Variants in RALGPS1 observed in about 807,000 individuals in gnomAD.
RALGPS1 encodes the protein ras-specific guanine nucleotide-releasing factor RalGPS1.
RALGPS1 carries 19 observed loss-of-function variants against 78.8 expected under a neutral mutation model. That is an observed-to-expected ratio of 0.24 (90% CI 0.17 to 0.35). RALGPS1 has a LOEUF of 0.35. Among genes scored for constraint, RALGPS1 ranks in the 10% least tolerant of loss-of-function variants. RALGPS1 has a pLI of 1.00. For synonymous variants in RALGPS1, 228 were observed against 256.3 expected (o/e 0.89, Z 1.06); for missense variants, 454 against 688.3 (o/e 0.66, Z 3.81).
chr9:126,922,755 T>C (rs10819253), intron 1 of RALGPS1, among the ~76,000 whole-genome samples: 26,396 of 152,160 alleles, frequency 0.17, 3,017 homozygotes, highest in East Asian at 0.44. Context: ...CTCTAGACTT[T>C]ACAGAGTGAG....
intron 14 of RALGPS1, among the ~76,000 whole-genome samples, chr9:127,201,378 C>T (rs1020861423): frequency 3.9e-5 from 6 of 152,210 alleles, no homozygotes; most frequent in African/African-American, 1.4e-4. Flanking sequence ...TTGGAGGATG[C>T]CAGTGGGCCT....
chr9:126,965,071 C>T (rs1204609262), intron 2 of RALGPS1, among the ~76,000 whole-genome samples: 1 of 152,210 alleles, frequency 6.6e-6, no homozygotes, highest in Non-Finnish European at 1.5e-5. Context: ...GGGATCCCCA[C>T]AGTGTTGAGA....
intron 1 of RALGPS1, among the ~76,000 whole-genome samples, chr9:126,922,463 C>T (rs1245190117): frequency 6.6e-6 from 1 of 152,128 alleles, no homozygotes; most frequent in Non-Finnish European, 1.5e-5. Context: ...GTGCTTTTGG[C>T]ATATTTCTGA....
chr9:126,987,013 A>G (rs532542682), intron 4 of RALGPS1, among the ~76,000 whole-genome samples: 37 of 152,306 alleles, frequency 2.4e-4, no homozygotes, highest in African/African-American at 7.9e-4. Context: ...CATTTCACCA[A>G]TGTATAGTTT....
intron 3 of RALGPS1, among the ~76,000 whole-genome samples, chr9:126,974,521 A>G (rs1233975578): frequency 4.0e-5 from 6 of 150,128 alleles, no homozygotes; most frequent in Non-Finnish European, 3.0e-5. Context: ...TACATTTAAC[A>G]TATGCAAAAA....
At chr9:127,128,643 C>T (rs1314082230) in intron 8 of RALGPS1, among the ~76,000 whole-genome samples, 1 of 152,200 alleles carries the variant, frequency 6.6e-6, no homozygotes, top group Non-Finnish European at 1.5e-5. Flanking sequence ...AATAAAACAG[C>T]TGCCACTAGA....
At chr9:127,187,488 C>G (rs1432609985) in intron 11 of RALGPS1, among the ~76,000 whole-genome samples, 1 of 152,242 alleles carries the variant, frequency 6.6e-6, no homozygotes, top group African/African-American at 2.4e-5. Context: ...AGAGTTTCCA[C>G]CTCAAGTCTT....
chr9:127,061,905 C>T (rs2049245581), intron 7 of RALGPS1, among the ~76,000 whole-genome samples: 1 of 152,154 alleles, frequency 6.6e-6, no homozygotes, highest in African/African-American at 2.4e-5. Flanking sequence ...TCGATCTCAA[C>T]CTCCCAGCTC....
chr9:127,068,973 T>C (rs574067546), intron 7 of RALGPS1, among the ~76,000 whole-genome samples: 1 of 152,336 alleles, frequency 6.6e-6, no homozygotes, highest in East Asian at 1.9e-4. Flanking sequence ...ACGTGTCTTA[T>C]AGAAAGCTGC....
rs2034845437 is a variant in RALGPS1 at position 126,922,288 on chromosome 9, G to A, written c.-66+7313G>A. ...TTTTTAAGGTTAAGTCAATTTTTGAGTAAGCAGAAGAAAATTTGAATCTTT... is the reference window on the plus strand; with the variant it reads ...TTTTTAAGGTTAAGTCAATTTTTGAATAAGCAGAAGAAAATTTGAATCTTT... On this transcript the variant is annotated intron_variant, in intron 1 of 18. Transcript: ENST00000259351. Among the ~76,000 whole-genome samples, 4 of 152,176 alleles carry A rather than the reference G, an allele frequency of 2.6e-5. No homozygotes were observed. The South Asian group carries it at 8.3e-4, about 32-fold the overall frequency.
chr9:127,108,275 A>G (rs1195521352), intron 8 of RALGPS1: 4 of 1,613,680 alleles, frequency 2.5e-6, no homozygotes, highest in Non-Finnish European at 3.4e-6. Context: ...GAGAGCTCCA[A>G]CGCGTTGTCC....
intron 8 of RALGPS1, among the ~76,000 whole-genome samples, chr9:127,100,689 G>A (rs2053633716): frequency 6.6e-6 from 1 of 152,170 alleles, no homozygotes; most frequent in South Asian, 2.1e-4. Flanking sequence ...CTCTGTCAGA[G>A]ACTGTGGTGC....
intron 4 of RALGPS1, among the ~76,000 whole-genome samples, chr9:126,982,901 T>TTTC (rs1174434563): frequency 0.024 from 2,437 of 102,580 alleles, 171 homozygotes; most frequent in African/African-American, 0.072. Context: ...CTTCTCTTCT[T>TTTC]TTCTTCTTCT....
Position 127,195,245 on chromosome 9 carries a change from G to A in RALGPS1, c.1037+28G>A, listed in dbSNP as rs150283625. 276 of 1,603,574 alleles carry A rather than the reference G, an allele frequency of 1.7e-4. 4 individuals are homozygous for A. The East Asian group carries it at 5.4e-3, about 31-fold the overall frequency. ...GGGTGACTGAGCAAGCCCTCCCGCC[G>A]GGCTTCAGACCGTCCTGCACATGGG... is the stretch of plus-strand genomic sequence containing the variant. On this transcript the variant is annotated intron_variant, in intron 12 of 18. Transcript: ENST00000259351.
chr9:127,085,600 TTTGA>T (rs1413347494), intron 8 of RALGPS1, among the ~76,000 whole-genome samples: 1 of 152,178 alleles, frequency 6.6e-6, no homozygotes. Context: ...CTGGGTGTGG[TTTGA>T]TTAAGATTCA....
intron 4 of RALGPS1, chr9:126,990,198 A>G (rs2042162927): frequency 6.4e-6 from 4 of 629,178 alleles, no homozygotes; most frequent in South Asian, 6.2e-5. Context: ...TTTCCCTGAC[A>G]TCATTAAAAC....
At chr9:127,134,206 T>A (rs2057239845) in intron 8 of RALGPS1, among the ~76,000 whole-genome samples, 1 of 152,080 alleles carries the variant, frequency 6.6e-6, no homozygotes, top group Non-Finnish European at 1.5e-5. Context: ...ACCCACAGTC[T>A]CTTTTGGTTG....
intron 8 of RALGPS1, among the ~76,000 whole-genome samples, chr9:127,108,968 C>G (rs1424069668): frequency 1.3e-5 from 2 of 152,150 alleles, no homozygotes; most frequent in East Asian, 3.9e-4. Context: ...GACAGGCAAG[C>G]CCCAGCAGAG....
In RALGPS1 at chr9:127,052,897, A is replaced by C; in HGVS notation, c.441A>C (p.Ala147=). 6.2e-7 allele frequency: 1 copy of C among 1,611,032 alleles called. No homozygotes were observed. Among genetic ancestry groups the C allele is most frequent in the Non-Finnish European group, 8.5e-7 (1 of 1,177,162 alleles). The change falls in exon 7 of 19, where the codon GCA becomes GCC. Residue 147 remains alanine, a synonymous_variant. Coordinates refer to ENST00000259351, the MANE Select transcript of RALGPS1 (RefSeq NM_014636.3). The part of the protein sequence containing the change: ...NLHSLMSVVS[A]LQSAPIFRLT... ...ATTCTCTCATGTCTGTGGTATCAGCATTACAAAGTGCTCCCATCTTCAGGC... is the reference window on the plus strand; with the variant it reads ...ATTCTCTCATGTCTGTGGTATCAGCCTTACAAAGTGCTCCCATCTTCAGGC...
Sources: allele counts gnomAD v4.1 joint callset (sites outside exome capture counted in the v4.1 genomes callset), GRCh38; gene constraint gnomAD v4.1.1; transcripts MANE v1.5; gene names NCBI Gene and HGNC (gene_info 2026-07-23, HGNC 2026-07-21).